The following SNX18 variants were observed in gnomAD, a reference collection of about 807,000 sequenced individuals.
The protein encoded by SNX18 is sorting nexin-18.
Under a neutral mutation model 48.7 loss-of-function variants are expected in SNX18, and 35 were observed. The observed-to-expected ratio is 0.72, with a 90% CI of 0.55 to 0.95. The LOEUF is 0.95. Ranked by LOEUF, SNX18 falls within the 40% of genes least tolerant of loss-of-function variation. The pLI, the probability that SNX18 is intolerant of heterozygous loss-of-function variation, is 0.00. For missense variants in SNX18, 824 were observed against 871.0 expected (o/e 0.95, Z 0.68); for synonymous variants, 492 against 384.7 (o/e 1.28, Z -3.26).
rs1011367418 is a variant in SNX18, at chr5:54,531,081, C to T, written c.1621+11508C>T. Among the ~76,000 whole-genome samples the T allele has an allele frequency of 3.3e-5, 5 of 152,180 alleles. No individual in the cohort carries two copies. In the East Asian group the frequency reaches 9.7e-4, roughly 29 times the overall value. ...CCACAGAAATTTAAACTGCGAGTTCCTGGAAGCATCCTTCACTGGTGCACC... is the reference window on the plus strand; with the variant it reads ...CCACAGAAATTTAAACTGCGAGTTCTTGGAAGCATCCTTCACTGGTGCACC... On this transcript the variant is annotated intron_variant, in intron 1 of 1. Transcript: ENST00000381410.
At chr5:54,629,146 C>T in the SNX18 span, among the ~76,000 whole-genome samples, 1 of 152,200 alleles carries the variant, frequency 6.6e-6, no homozygotes, top group South Asian at 2.1e-4. Flanking sequence ...CACTGTCTCA[C>T]TTGAAAGGTC....
At chr5:54,546,593 A>G (rs989938109), downstream of SNX18, 1 of 152,190 alleles carries the variant, frequency 6.6e-6, no homozygotes, top group African/African-American at 2.4e-5. Context: ...CTTAGCTTCA[A>G]TGGAATATAA....
intron 1 of SNX18, among the ~76,000 whole-genome samples, chr5:54,542,937 G>T (rs1762499426): frequency 6.6e-6 from 1 of 152,036 alleles, no homozygotes; most frequent in Non-Finnish European, 1.5e-5. Flanking sequence ...ACAGATTCTT[G>T]GTCAATGTAA....
Position 54,519,152 on chromosome 5 carries a change from C to T in SNX18, c.1200C>T (p.Asp400=). The change falls in exon 1 of 2, where the codon GAC becomes GAT. Residue 400 remains aspartate, a synonymous_variant. Transcript: ENST00000381410. The part of the protein sequence containing the change: ...WKQGKRKAEK[D]EMVGANFFLT... ...AGGGCAAGAGGAAGGCCGAGAAGGACGAGATGGTGGGCGCCAACTTCTTCC... is the reference window on the plus strand; with the variant it reads ...AGGGCAAGAGGAAGGCCGAGAAGGATGAGATGGTGGGCGCCAACTTCTTCC... 1.2e-6 allele frequency: 2 copies of T among 1,613,888 alleles called. No homozygotes were observed. The highest frequency in any genetic ancestry group is 2.2e-5 in the South Asian group (2 of 91,060).
At chr5:54,600,636 T>G in the SNX18 span, among the ~76,000 whole-genome samples, 1 of 152,192 alleles carries the variant, frequency 6.6e-6, no homozygotes, top group African/African-American at 2.4e-5. Flanking sequence ...TACCATGGAA[T>G]ACTATGCAGC....
At chr5:54,592,844 A>G in the SNX18 span, among the ~76,000 whole-genome samples, 2 of 152,226 alleles carry the variant, frequency 1.3e-5, no homozygotes, top group Non-Finnish European at 2.9e-5. Context: ...TCTGTCATCT[A>G]GGCTGGAGTG....
chr5:54,541,050 A>G (rs1443511834), intron 1 of SNX18, among the ~76,000 whole-genome samples: 3 of 151,024 alleles, frequency 2.0e-5, no homozygotes, highest in Non-Finnish European at 2.9e-5. Context: ...TTTTTGAGAC[A>G]GAGTTTTGCT....
intron 1 of SNX18, among the ~76,000 whole-genome samples, chr5:54,532,944 T>A (rs1378142674): frequency 6.6e-6 from 1 of 152,266 alleles, no homozygotes; most frequent in Non-Finnish European, 1.5e-5. Flanking sequence ...AATGTCATTC[T>A]GCCTTTAGAC....
the SNX18 span, among the ~76,000 whole-genome samples, chr5:54,601,650 G>A: frequency 3.9e-5 from 6 of 152,134 alleles, no homozygotes; most frequent in East Asian, 1.2e-3. Context: ...AAAGTGGGGG[G>A]AGGAGGGATG....
chr5:54,639,331 C>G, the SNX18 span, among the ~76,000 whole-genome samples: 1 of 152,124 alleles, frequency 6.6e-6, no homozygotes, highest in African/African-American at 2.4e-5. Context: ...AGAATCCATA[C>G]ATGTATTTGT....
chr5:54,566,026 CATCA>C, the SNX18 span, among the ~76,000 whole-genome samples: 2 of 152,174 alleles, frequency 1.3e-5, no homozygotes, highest in Non-Finnish European at 2.9e-5. Context: ...TCTCAACCCG[CATCA>C]ATCAGCTGTG....
At chr5:54,609,013 C>T in the SNX18 span, among the ~76,000 whole-genome samples, 6 of 152,290 alleles carry the variant, frequency 3.9e-5, no homozygotes, top group Middle Eastern at 6.8e-3. Context: ...GCTAATTCCC[C>T]GTTCTTAGTG....
rs1761949770 is a variant in SNX18, at chr5:54,519,026, G to C, written c.1074G>C (p.Trp358Cys). The change falls in exon 1 of 2, where the codon TGG (tryptophan) becomes TGC (cysteine). Residue 358 changes from tryptophan to cysteine, a missense_variant. Around this residue, in one of 3 missense-constraint regions of SNX18, gnomAD observed 443 missense variants for 503.6 expected, o/e 0.88. Coordinates refer to ENST00000381410, the MANE Select transcript of SNX18 (RefSeq NM_001102575.2). ...CTAAGCGCAGGAAGGGCCTGATCTGGTGGATGAACCACATGGCCAGCCACC... is the reference window on the plus strand; with the variant it reads ...CTAAGCGCAGGAAGGGCCTGATCTGCTGGATGAACCACATGGCCAGCCACC... ...FISKRRKGLI[W>C]WMNHMASHPV... 6.2e-7 allele frequency: 1 copy of C among 1,613,190 alleles called. No homozygotes were observed. Among genetic ancestry groups the C allele is most frequent in the South Asian group, 1.1e-5 (1 of 91,042 alleles).
At chr5:54,541,500 A>G (rs182730333) in intron 1 of SNX18, among the ~76,000 whole-genome samples, 48 of 152,284 alleles carry the variant, frequency 3.2e-4, no homozygotes, top group Admixed American at 1.5e-3. Context: ...CACAGTAGAA[A>G]TGTTTAAAGG....
chr5:54,567,304 G>T, the SNX18 span, among the ~76,000 whole-genome samples: 1 of 151,962 alleles, frequency 6.6e-6, no homozygotes, highest in African/African-American at 2.4e-5. Context: ...GAGGACAAAG[G>T]TAAATGAGTG....
chr5:54,592,310 G>C, the SNX18 span, among the ~76,000 whole-genome samples: 2 of 152,036 alleles, frequency 1.3e-5, no homozygotes, highest in African/African-American at 4.8e-5. Flanking sequence ...TCCACCTCAC[G>C]ACACTCTTCT....
downstream of SNX18, among the ~76,000 whole-genome samples, chr5:54,551,072 G>T (rs1474798146): frequency 6.0e-5 from 9 of 150,542 alleles, no homozygotes; most frequent in Non-Finnish European, 1.3e-4. Flanking sequence ...TTTGACAAGG[G>T]GACTAGCAAA....
At chr5:54,568,738 T>C in the SNX18 span, among the ~76,000 whole-genome samples, 1 of 152,186 alleles carries the variant, frequency 6.6e-6, no homozygotes, top group African/African-American at 2.4e-5. Flanking sequence ...TGTGTGTTGA[T>C]TATGGTTGCA....
rs76727269 is a variant in SNX18, at chr5:54,534,681, T to G, written c.1622-8498T>G. ...TATGAGGATTTGCTTTTTTGTTTTG[T>G]TTTTTTTTTCCCTCTGTCTCACTTT... On this transcript the variant is annotated intron_variant, in intron 1 of 1. Transcript: ENST00000381410. Among the ~76,000 whole-genome samples the G allele has an allele frequency of 9.0e-4, 73 of 81,380 alleles. 1 individual carries two copies. The highest frequency in any genetic ancestry group is 5.1e-3 in the Middle Eastern group (1 of 198). The allele number at this position is 81,380 out of a possible 152,430, so 53.4% of individuals were successfully genotyped here. A position where few individuals can be genotyped will look rare whatever the true frequency, so the allele number is the denominator to read the frequency against.
Sources: gnomAD v4.1 joint callset for allele counts (sites outside exome capture counted in the v4.1 genomes callset) on GRCh38, gnomAD v4.1.1 for gene constraint, gnomAD v4.1.1 regional missense constraint, MANE v1.5 for transcripts, NCBI Gene and HGNC (gene_info 2026-07-23, HGNC 2026-07-21) for gene names.